Variants in AFF3 observed in about 807,000 individuals in gnomAD.
The protein encoded by AFF3 is AF4/FMR2 family member 3.
A neutral mutation model predicts 129.7 loss-of-function variants in AFF3; 32 were observed. The ratio of observed to expected loss-of-function variants is 0.25; its 90% CI spans 0.19 to 0.33. AFF3 has a LOEUF of 0.33. Ranked by LOEUF, AFF3 falls within the 10% of genes least tolerant of loss-of-function variation. AFF3 has a pLI of 1.00. For synonymous variants in AFF3, 644 were observed against 635.4 expected, an observed-to-expected ratio of 1.01 and a Z score of -0.20; for missense variants, 1,373 against 1,592.0, an observed-to-expected ratio of 0.86 and a Z score of 2.34.
In AFF3 at chr2:99,655,878, G is replaced by A. The variant is rs143923808; in HGVS notation, c.1144-6212C>T. On this transcript the variant is annotated intron_variant, in intron 12 of 24. Transcript: ENST00000672756. ...ATGTGGGCAAGAGAAGAGCATGGTA[G>A]TAGTGAAGATGGAGAGAGCTAGTGT... Among the ~76,000 whole-genome samples the A allele has an allele frequency of 9.8e-4, 150 of 152,314 alleles. 3 individuals are homozygous for A. In the Middle Eastern group the frequency reaches 0.01, roughly 10 times the overall value.
intron 13 of AFF3, among the ~76,000 whole-genome samples, chr2:99,620,472 C>CA (rs939262498): frequency 8.6e-5 from 13 of 151,990 alleles, no homozygotes; most frequent in South Asian, 8.3e-4. Context: ...TCTGCAAAAC[C>CA]AAAAAAATTT....
chr2:99,580,811 TG>T (rs1677463543), intron 17 of AFF3: 2 of 157,270 alleles, frequency 1.3e-5, no homozygotes, highest in East Asian at 3.8e-4. Context: ...GGCAGAAGAA[TG>T]GCGTGAACCT....
intron 8 of AFF3, among the ~76,000 whole-genome samples, chr2:99,759,042 A>C (rs1353729628): frequency 6.6e-6 from 1 of 152,106 alleles, no homozygotes; most frequent in East Asian, 1.9e-4. Context: ...ACCCTTCCTC[A>C]TATGTCTCTG....
At chr2:99,662,612 T>C (rs1005145325) in intron 12 of AFF3, among the ~76,000 whole-genome samples, 1 of 152,234 alleles carries the variant, frequency 6.6e-6, no homozygotes, top group Non-Finnish European at 1.5e-5. Flanking sequence ...GTTTGGTACT[T>C]AGTAGGTATT....
intron 7 of AFF3, among the ~76,000 whole-genome samples, chr2:99,960,982 C>A (rs376046089): frequency 1.2e-4 from 19 of 152,340 alleles, no homozygotes; most frequent in African/African-American, 4.6e-4. Flanking sequence ...ACAGGCAATG[C>A]CCTTCCACAG....
At chr2:99,665,174 G>A (rs1686570575) in intron 12 of AFF3, among the ~76,000 whole-genome samples, 2 of 152,198 alleles carry the variant, frequency 1.3e-5, no homozygotes, top group African/African-American at 2.4e-5. Flanking sequence ...TGAGGGCTCC[G>A]AATTTGATCC....
chr2:99,884,364 T>G (rs1362340081), intron 7 of AFF3, among the ~76,000 whole-genome samples: 1 of 152,186 alleles, frequency 6.6e-6, no homozygotes, highest in African/African-American at 2.4e-5. Flanking sequence ...TATACATTGC[T>G]ATTAACTATA....
At chr2:99,880,063 G>A (rs1278712556) in intron 7 of AFF3, among the ~76,000 whole-genome samples, 1 of 152,196 alleles carries the variant, frequency 6.6e-6, no homozygotes, top group Non-Finnish European at 1.5e-5. Context: ...TGAAGTATTA[G>A]CAGCAAGGAT....
chr2:99,604,691 TA>T (rs1680160107), intron 13 of AFF3, among the ~76,000 whole-genome samples: 2 of 151,906 alleles, frequency 1.3e-5, no homozygotes, highest in South Asian at 4.2e-4. Context: ...CACTCAAAAA[TA>T]AAAAAGCAAA....
At chr2:99,660,320 G>C (rs1686116321) in intron 12 of AFF3, among the ~76,000 whole-genome samples, 1 of 152,226 alleles carries the variant, frequency 6.6e-6, no homozygotes, top group African/African-American at 2.4e-5. Flanking sequence ...ATCTGGGCTT[G>C]AAGAACTTAA....
chr2:99,565,392 G>A (rs2104623995), intron 20 of AFF3, 95 bp downstream of exon 20: 2 of 1,508,346 alleles, frequency 1.3e-6, no homozygotes, highest in Admixed American at 1.8e-5. Context: ...TCCTGGTGGG[G>A]GATGGTGCAG....
At chr2:99,830,979 C>T (rs1434200092) in intron 8 of AFF3, among the ~76,000 whole-genome samples, 1 of 152,160 alleles carries the variant, frequency 6.6e-6, no homozygotes, top group Non-Finnish European at 1.5e-5. Context: ...TGCCAGACAG[C>T]CCCTGGCAAG....
chr2:100,060,547 C>T (rs1181609511), intron 4 of AFF3, among the ~76,000 whole-genome samples: 2 of 152,036 alleles, frequency 1.3e-5, no homozygotes, highest in Non-Finnish European at 2.9e-5. Context: ...TATATATCAG[C>T]TCTCTGAGCT....
At chr2:99,982,730 A>G (rs758451844) in intron 7 of AFF3, among the ~76,000 whole-genome samples, 3 of 152,182 alleles carry the variant, frequency 2.0e-5, no homozygotes, top group Admixed American at 6.5e-5. Context: ...TTTGTAGAAA[A>G]CTTTAAATGT....
chr2:99,867,803 A>G (rs1027676244), intron 7 of AFF3, among the ~76,000 whole-genome samples: 7 of 152,174 alleles, frequency 4.6e-5, no homozygotes, highest in Admixed American at 3.9e-4. Flanking sequence ...TGCTGAGGTC[A>G]GAGCCAGGAT....
chr2:100,105,258 G>A (rs1691197084), intron 3 of AFF3: 10 of 1,129,740 alleles, frequency 8.9e-6, no homozygotes, highest in South Asian at 6.8e-5. Context: ...GGACCCGGGT[G>A]GGTGCGGGGG....
At chr2:99,654,171 C>T (rs192115072) in intron 12 of AFF3, among the ~76,000 whole-genome samples, 249 of 152,306 alleles carry the variant, frequency 1.6e-3, no homozygotes, top group African/African-American at 5.7e-3. Context: ...TGCGCCACTG[C>T]GCCTGGCCTG....
chr2:99,766,004 GC>G (rs1682976598), intron 8 of AFF3, among the ~76,000 whole-genome samples: 1 of 152,206 alleles, frequency 6.6e-6, no homozygotes, highest in Non-Finnish European at 1.5e-5. Flanking sequence ...CAGATTAGAA[GC>G]TTTGCCCTCA....
chr2:99,915,088 T>C (rs1420650247), intron 7 of AFF3, among the ~76,000 whole-genome samples: 2 of 152,142 alleles, frequency 1.3e-5, no homozygotes, highest in Non-Finnish European at 2.9e-5. Context: ...GGAATCTGAA[T>C]GAAAGGTGTA....
Sources: gnomAD v4.1 joint callset for allele counts (sites outside exome capture counted in the v4.1 genomes callset) on GRCh38, gnomAD v4.1.1 for gene constraint, MANE v1.5 for transcripts, NCBI Gene and HGNC (gene_info 2026-07-23, HGNC 2026-07-21) for gene names.